Variants in FSTL5 observed in about 807,000 individuals in gnomAD.
FSTL5 encodes the protein follistatin-related protein 5.
In FSTL5, 62 loss-of-function variants were observed where a neutral mutation model predicts 89.1. The observed-to-expected ratio is 0.70, with a 90% CI of 0.57 to 0.86. FSTL5 has a LOEUF of 0.86. Ranked by LOEUF, FSTL5 falls within the 40% of genes least tolerant of loss-of-function variation. FSTL5 has a pLI of 0.00. For synonymous variants in FSTL5, 383 were observed against 346.2 expected, an observed-to-expected ratio of 1.11 and a Z score of -1.18; for missense variants, 1,057 against 1,001.6, an observed-to-expected ratio of 1.06 and a Z score of -0.75.
In FSTL5 at chr4:161,574,016, A is replaced by G. The variant is rs535447051; in HGVS notation, c.1015+13439T>C. Among the ~76,000 whole-genome samples the G allele has an allele frequency of 7.2e-4, 109 of 152,242 alleles. 1 individual carries two copies. Among genetic ancestry groups the G allele is most frequent in the African/African-American group, 2.5e-3 (104 of 41,540 alleles). On this transcript the variant is annotated intron_variant, in intron 8 of 15. Transcript: ENST00000306100. ...TGTCTGGCTTCTTGAAGATGTCTGC[A>G]TTTATTGGCTGATGACTCATTCCTC...
chr4:161,680,389 C>G (rs1274172008), intron 6 of FSTL5, among the ~76,000 whole-genome samples: 1 of 151,900 alleles, frequency 6.6e-6, no homozygotes, highest in Non-Finnish European at 1.5e-5. Flanking sequence ...ACTCCTACAA[C>G]CTTTCCATCT....
chr4:162,017,224 T>G (rs984801202), intron 3 of FSTL5, among the ~76,000 whole-genome samples: 4 of 152,190 alleles, frequency 2.6e-5, no homozygotes, highest in Non-Finnish European at 4.4e-5. Context: ...ACAGATGGGC[T>G]GAATGCTATC....
chr4:162,087,928 T>A (rs564005205), intron 2 of FSTL5, among the ~76,000 whole-genome samples: 100 of 152,276 alleles, frequency 6.6e-4, no homozygotes, highest in African/African-American at 2.2e-3. Context: ...GTTGTTGTAG[T>A]CATTCTTGGA....
At chr4:161,429,612 T>C (rs1156307204) in intron 15 of FSTL5, among the ~76,000 whole-genome samples, 1 of 152,202 alleles carries the variant, frequency 6.6e-6, no homozygotes, top group Admixed American at 6.5e-5. Flanking sequence ...CACAAGGCAG[T>C]AACTTTCTGA....
chr4:161,550,780 G>T (rs1732180247), intron 8 of FSTL5, among the ~76,000 whole-genome samples: 1 of 151,622 alleles, frequency 6.6e-6, no homozygotes, highest in East Asian at 2.0e-4. Flanking sequence ...TCCCCTTCCT[G>T]TGTCCATGTG....
chr4:161,563,019 G>C (rs1732661872), intron 8 of FSTL5, among the ~76,000 whole-genome samples: 1 of 151,902 alleles, frequency 6.6e-6, no homozygotes, highest in African/African-American at 2.4e-5. Context: ...AACAACATGA[G>C]CCCTAGATTA....
chr4:161,743,430 C>T (rs1740093190), intron 6 of FSTL5, among the ~76,000 whole-genome samples: 1 of 152,042 alleles, frequency 6.6e-6, no homozygotes, highest in Non-Finnish European at 1.5e-5. Flanking sequence ...CAGTACCATA[C>T]TGTTTTGATT....
At chr4:162,071,412 A>G (rs1297293781) in intron 2 of FSTL5, among the ~76,000 whole-genome samples, 1 of 151,786 alleles carries the variant, frequency 6.6e-6, no homozygotes, top group African/African-American at 2.4e-5. Flanking sequence ...GTATTATATA[A>G]TAATATAGGA....
chr4:161,902,766 G>A (rs1364702412), intron 4 of FSTL5, among the ~76,000 whole-genome samples: 6 of 152,056 alleles, frequency 3.9e-5, no homozygotes, highest in African/African-American at 1.4e-4. Flanking sequence ...GGAGAATGGC[G>A]TGAACCCGGG....
chr4:161,489,341 T>G (rs555279733), intron 12 of FSTL5, among the ~76,000 whole-genome samples: 21 of 152,048 alleles, frequency 1.4e-4, no homozygotes, highest in African/African-American at 5.1e-4. Context: ...ATTTGAATAG[T>G]AGGGAAAGCA....
chr4:161,807,802 T>C (rs1484539420), intron 4 of FSTL5, among the ~76,000 whole-genome samples: 3 of 152,152 alleles, frequency 2.0e-5, no homozygotes, highest in Admixed American at 2.0e-4. Flanking sequence ...TGTCCCTGGG[T>C]TGAATTTCCC....
chr4:161,789,469 G>A (rs1477665951), intron 4 of FSTL5, among the ~76,000 whole-genome samples: 6 of 152,030 alleles, frequency 3.9e-5, no homozygotes, highest in Middle Eastern at 3.2e-3. Flanking sequence ...ATGTGCGAAC[G>A]AATTCTGATG....
intron 1 of FSTL5, among the ~76,000 whole-genome samples, chr4:162,133,310 G>T (rs572423624): frequency 4.8e-4 from 73 of 152,298 alleles, no homozygotes; most frequent in African/African-American, 1.7e-3. Context: ...ATGATTGCAC[G>T]AGTGAGGCTG....
intron 13 of FSTL5, 34 bp from the exon 14 acceptor site, chr4:161,459,353 G>T: frequency 7.3e-7 from 1 of 1,365,318 alleles, no homozygotes; most frequent in South Asian, 1.2e-5. Flanking sequence ...AAATGTTTTA[G>T]ACTAAACTAT....
rs149822340 is a variant in FSTL5 at position 161,781,336 on chromosome 4, A to G, written c.410-5262T>C. 4.9e-3 allele frequency among the ~76,000 whole-genome samples: 745 copies of G among 152,180 alleles called. 5 individuals are homozygous for G. Among genetic ancestry groups the G allele is most frequent in the African/African-American group, 0.017 (710 of 41,556 alleles). ...AAGGTAGCCTGAACATAATTAAAAA[A>G]AAAAATTTAAATCTAAACTGTAATG... On this transcript the variant is annotated intron_variant, in intron 4 of 15. Transcript: ENST00000306100.
chr4:161,463,927 T>C (rs968721992), intron 13 of FSTL5, among the ~76,000 whole-genome samples: 1 of 152,198 alleles, frequency 6.6e-6, no homozygotes, highest in Non-Finnish European at 1.5e-5. Context: ...ACCATTATCA[T>C]TATCACATGG....
intron 5 of FSTL5, among the ~76,000 whole-genome samples, chr4:161,761,915 A>C (rs1306099921): frequency 6.6e-6 from 1 of 152,302 alleles, no homozygotes; most frequent in East Asian, 1.9e-4. Context: ...TTAAAACATG[A>C]TTCTTAGTAA....
At chr4:162,003,250 C>CATTA (rs1736518357) in intron 3 of FSTL5, among the ~76,000 whole-genome samples, 1 of 152,088 alleles carries the variant, frequency 6.6e-6, no homozygotes, top group South Asian at 2.1e-4. Context: ...CCTTACATTT[C>CATTA]CATTACATTT....
intron 5 of FSTL5, among the ~76,000 whole-genome samples, chr4:161,763,138 T>A (rs1168657103): frequency 6.6e-6 from 1 of 152,124 alleles, no homozygotes; most frequent in Non-Finnish European, 1.5e-5. Flanking sequence ...AACTCAATCA[T>A]CCATTCAACA....
Sources: gnomAD v4.1 joint callset for allele counts (sites outside exome capture counted in the v4.1 genomes callset) on GRCh38, gnomAD v4.1.1 for gene constraint, MANE v1.5 for transcripts, NCBI Gene and HGNC (gene_info 2026-07-23, HGNC 2026-07-21) for gene names.